ADGRE3: variants seen among roughly 807,000 people sequenced by gnomAD.
ADGRE3 encodes adhesion G protein-coupled receptor E3.
In ADGRE3, 88 loss-of-function variants were observed where a neutral mutation model predicts 80.1. The observed-to-expected ratio is 1.10, with a 90% CI of 0.93 to 1.31. The LOEUF (loss-of-function observed/expected upper bound fraction) is 1.31, where lower values mean the gene tolerates loss of function less well. ADGRE3 is among the 40% of genes most tolerant of loss of function. The pLI, the probability that ADGRE3 is intolerant of heterozygous loss-of-function variation, is 0.00. For missense variants in ADGRE3, 715 were observed against 776.5 expected, an observed-to-expected ratio of 0.92 and a Z score of 0.94; for synonymous variants, 281 against 294.8, an observed-to-expected ratio of 0.95 and a Z score of 0.48.
rs551323009 is a variant in ADGRE3, at chr19:14,661,855, AGCCTGG to A, written c.355+102_355+107del. The A allele has an allele frequency of 1.7e-3, 2,130 of 1,257,706 alleles. 15 individuals carry two copies. The highest frequency in any genetic ancestry group is 0.011 in the Middle Eastern group (57 of 5,162). 77.9% of individuals were successfully genotyped at this position (1,257,706 alleles called of 1,614,324 possible). ...GCGGAGGTTTCAGCCACTGCACTCCAGCCTGGGCTACAGAGCGAGACTCTGTCTCAA... is the reference window on the plus strand; with the variant it reads ...GCGGAGGTTTCAGCCACTGCACTCCAGCTACAGAGCGAGACTCTGTCTCAA... On this transcript the variant is annotated intron_variant, in intron 4 of 15. Coordinates refer to ENST00000253673, the MANE Select transcript of ADGRE3 (RefSeq NM_032571.5).
chr19:14,656,400 GCT>G (rs1971766153), intron 5 of ADGRE3, among the ~76,000 whole-genome samples: 1 of 149,350 alleles, frequency 6.7e-6, no homozygotes, highest in African/African-American at 2.5e-5. Flanking sequence ...AAGTAGAACA[GCT>G]CTCTCCCTTG....
chr19:14,631,403 T>C (rs1324533367), intron 13 of ADGRE3, among the ~76,000 whole-genome samples: 1 of 151,366 alleles, frequency 6.6e-6, no homozygotes, highest in East Asian at 1.9e-4. Context: ...AAAGGGATAC[T>C]ATTAATAATT....
At chr19:14,615,416 C>A (rs1364038893), downstream of ADGRE3, among the ~76,000 whole-genome samples, 2 of 151,942 alleles carry the variant, frequency 1.3e-5, no homozygotes, top group Non-Finnish European at 2.9e-5. Flanking sequence ...GCCTGCTCAA[C>A]TAACACATTT....
chr19:14,615,194 G>A (rs1205981447), downstream of ADGRE3, among the ~76,000 whole-genome samples: 1 of 139,600 alleles, frequency 7.2e-6, no homozygotes, highest in Non-Finnish European at 1.5e-5. Flanking sequence ...TCTTTCTACA[G>A]CTGCCTTCTT....
intron 7 of ADGRE3, among the ~76,000 whole-genome samples, chr19:14,649,976 G>C (rs1356106979): frequency 1.3e-5 from 1 of 79,534 alleles, no homozygotes; most frequent in Admixed American, 1.3e-4. Context: ...TTCAATCTCT[G>C]TCTTTCCATC....
chr19:14,636,145 T>TTCCTTC (rs1158142057), intron 11 of ADGRE3, among the ~76,000 whole-genome samples: 708 of 22,274 alleles, frequency 0.032, 118 homozygotes, highest in Middle Eastern at 0.05. Context: ...TTTCTTTCTT[T>TTCCTTC]CTTTCTTCCT....
intron 5 of ADGRE3, among the ~76,000 whole-genome samples, chr19:14,655,691 G>A (rs1162628496): frequency 1.3e-5 from 2 of 151,906 alleles, no homozygotes; most frequent in African/African-American, 4.8e-5. Context: ...GGAACTCCTG[G>A]GCTCAAACGA....
chr19:14,659,756 G>T (rs778386686), intron 4 of ADGRE3, among the ~76,000 whole-genome samples: 1 of 144,896 alleles, frequency 6.9e-6, no homozygotes, highest in African/African-American at 2.6e-5. Context: ...AGGAGGCAAA[G>T]GTTGCAGTGA....
At chr19:14,671,381 A>G (rs1972252175) in intron 1 of ADGRE3, among the ~76,000 whole-genome samples, 1 of 152,192 alleles carries the variant, frequency 6.6e-6, no homozygotes, top group Admixed American at 6.6e-5. Context: ...TTCTTGGCTC[A>G]CGGACCCTTC....
At chr19:14,652,226 T>TA (rs1352839856) in intron 6 of ADGRE3, among the ~76,000 whole-genome samples, 1 of 152,184 alleles carries the variant, frequency 6.6e-6, no homozygotes, top group African/African-American at 2.4e-5. Flanking sequence ...TTCCACAGTA[T>TA]ATATGTATAT....
chr19:14,644,325 C>A, intron 8 of ADGRE3, 50 bp from the exon 9 acceptor site: 7 of 1,040,158 alleles, frequency 6.7e-6, no homozygotes, highest in Non-Finnish European at 9.0e-6. Flanking sequence ...TTCTTTCTTT[C>A]TTTTTTTTTT....
intron 4 of ADGRE3, among the ~76,000 whole-genome samples, chr19:14,659,822 GAAAAAAA>G (rs66908687): frequency 1.1e-4 from 5 of 44,840 alleles, no homozygotes; most frequent in Admixed American, 3.5e-4. Flanking sequence ...CTCTGCCTCT[GAAAAAAA>G]AAAAAAAAAA....
intron 14 of ADGRE3, among the ~76,000 whole-genome samples, chr19:14,628,374 A>C (rs377551306): frequency 1.3e-5 from 2 of 151,226 alleles, no homozygotes; most frequent in African/African-American, 4.9e-5. Context: ...CCTGGGAGGC[A>C]GTTGCAGTGA....
At chr19:14,633,397 A>G in intron 11 of ADGRE3, 95 bp from the exon 12 acceptor site, 1 of 993,696 alleles carries the variant, frequency 1.0e-6, no homozygotes, top group Admixed American at 2.3e-5. Context: ...AATTGTTTCC[A>G]GTTTCTCTTG....
chr19:14,661,675 T>TA (rs1971946946), intron 4 of ADGRE3, among the ~76,000 whole-genome samples: 1 of 152,052 alleles, frequency 6.6e-6, no homozygotes, highest in African/African-American at 2.4e-5. Flanking sequence ...TTAGATTCAA[T>TA]AAAAAATGAG....
chr19:14,651,041 CA>C (rs760899004), intron 7 of ADGRE3, 43 bp downstream of exon 7: 4 of 1,610,974 alleles, frequency 2.5e-6, no homozygotes, highest in South Asian at 2.2e-5. Context: ...CACACAATGA[CA>C]TGGCTCTGTG....
At chr19:14,656,501 G>T (rs1971769320) in intron 5 of ADGRE3, among the ~76,000 whole-genome samples, 2 of 152,138 alleles carry the variant, frequency 1.3e-5, no homozygotes, top group Admixed American at 1.3e-4. Context: ...TCAGGCTGAG[G>T]AGGCGGTGTC....
At chr19:14,610,941 C>T in the ADGRE3 span, 1 of 151,926 alleles carries the variant, frequency 6.6e-6, no homozygotes, top group Non-Finnish European at 1.5e-5. Context: ...GGATTACAGG[C>T]ATGTGTCACC....
At chr19:14,658,887 T>G (rs1297117871) in intron 4 of ADGRE3, among the ~76,000 whole-genome samples, 1 of 151,646 alleles carries the variant, frequency 6.6e-6, no homozygotes. Flanking sequence ...GGCACGCACC[T>G]CCAGGCATGG....
Sources: allele counts gnomAD v4.1 joint callset (sites outside exome capture counted in the v4.1 genomes callset), GRCh38; gene constraint gnomAD v4.1.1; transcripts MANE v1.5; gene names NCBI Gene and HGNC (gene_info 2026-07-23, HGNC 2026-07-21).